DTNA: variants seen among roughly 807,000 people sequenced by gnomAD.
The protein encoded by DTNA is dystrobrevin alpha, also known as dystrophin-related protein 3.
In DTNA, 43 loss-of-function variants were observed where a neutral mutation model predicts 100.7. The ratio of observed to expected loss-of-function variants is 0.43; its 90% CI spans 0.33 to 0.55. The LOEUF is 0.55. DTNA is among the 20% of genes least tolerant of loss of function. The probability of loss-of-function intolerance (pLI) is 0.04; values close to 1 mark genes in which losing one functional copy is unlikely to be tolerated. For missense variants in DTNA, 798 were observed against 953.9 expected (o/e 0.84, Z 2.15); for synonymous variants, 349 against 347.9 (o/e 1.00, Z -0.04).
At chr18:34,849,969 C>T (rs1249495566) in intron 14 of DTNA, among the ~76,000 whole-genome samples, 1 of 152,250 alleles carries the variant, frequency 6.6e-6, no homozygotes, top group Non-Finnish European at 1.5e-5. Context: ...ACTAAATTCT[C>T]CAGTCTTGTT....
intron 1 of DTNA, among the ~76,000 whole-genome samples, chr18:34,507,475 A>G (rs780821637): frequency 3.3e-5 from 5 of 152,326 alleles, no homozygotes; most frequent in East Asian, 1.9e-4. Context: ...TGATTTGTCA[A>G]GTTGTTTGAT....
chr18:34,666,746 A>G (rs904573937), intron 1 of DTNA, among the ~76,000 whole-genome samples: 3 of 151,980 alleles, frequency 2.0e-5, no homozygotes, highest in Non-Finnish European at 4.4e-5. Flanking sequence ...GTGTGGTATT[A>G]TTTCTGAGGC....
intron 1 of DTNA, among the ~76,000 whole-genome samples, chr18:34,530,306 G>A (rs1234100170): frequency 6.6e-6 from 1 of 152,130 alleles, no homozygotes; most frequent in East Asian, 1.9e-4. Context: ...ATCTTTTAAA[G>A]GGTCCTTTTA....
chr18:34,579,805 T>G (rs1192653953), intron 1 of DTNA, among the ~76,000 whole-genome samples: 1 of 152,156 alleles, frequency 6.6e-6, no homozygotes, highest in Non-Finnish European at 1.5e-5. Flanking sequence ...GTTTTTGAAT[T>G]TTCTTGCTTG....
intron 1 of DTNA, among the ~76,000 whole-genome samples, chr18:34,502,973 T>A (rs1046345380): frequency 2.0e-5 from 3 of 152,224 alleles, no homozygotes; most frequent in Non-Finnish European, 4.4e-5. Flanking sequence ...GTTATAATTG[T>A]GAGTTTGTCT....
At chr18:34,547,081 A>G (rs1836308677) in intron 1 of DTNA, among the ~76,000 whole-genome samples, 1 of 152,090 alleles carries the variant, frequency 6.6e-6, no homozygotes, top group Admixed American at 6.6e-5. Flanking sequence ...TAAGTGTAAT[A>G]TAAGTTACCA....
chr18:34,560,172 C>T (rs992670730), intron 1 of DTNA, among the ~76,000 whole-genome samples: 2 of 152,160 alleles, frequency 1.3e-5, no homozygotes, highest in East Asian at 3.9e-4. Flanking sequence ...GGGTTAGATA[C>T]CTTTTTGCAC....
intron 3 of DTNA, among the ~76,000 whole-genome samples, chr18:34,784,034 T>C (rs1296313075): frequency 6.6e-6 from 1 of 152,120 alleles, no homozygotes; most frequent in East Asian, 1.9e-4. Context: ...AACTTTATTG[T>C]CTAACAAAAT....
chr18:34,693,005 A>G (rs1482198429), intron 1 of DTNA, among the ~76,000 whole-genome samples: 1 of 152,192 alleles, frequency 6.6e-6, no homozygotes, highest in Non-Finnish European at 1.5e-5. Context: ...ACATTCTGAA[A>G]TTTTTATAAC....
chr18:34,506,336 G>A (rs1467620497), intron 1 of DTNA, among the ~76,000 whole-genome samples: 2 of 152,106 alleles, frequency 1.3e-5, no homozygotes, highest in Admixed American at 6.5e-5. Context: ...ACAACATAGT[G>A]GGGGTGAGGA....
Position 34,811,157 on chromosome 18 carries a change from G to A in DTNA, c.449-802G>A, listed in dbSNP as rs374137150. Among the ~76,000 whole-genome samples the A allele has an allele frequency of 9.2e-5, 14 of 152,302 alleles. No individual in the cohort carries two copies. In the East Asian group the frequency reaches 1.4e-3, roughly 15 times the overall value. On this transcript the variant is annotated intron_variant, in intron 5 of 22. Transcript: ENST00000444659. ...TAGCAAACCCTTTCATTCTAATAGT[G>A]ATTTGCACAGAGGAATTATAAAACA... is the stretch of plus-strand genomic sequence containing the variant.
At chr18:34,738,190 C>A (rs1325082842) in intron 1 of DTNA, among the ~76,000 whole-genome samples, 4 of 152,082 alleles carry the variant, frequency 2.6e-5, no homozygotes, top group African/African-American at 9.7e-5. Flanking sequence ...ACATACAAAG[C>A]CACTTTAAAG....
At chr18:34,844,490 AT>A (rs963816188) in intron 13 of DTNA, among the ~76,000 whole-genome samples, 4 of 152,068 alleles carry the variant, frequency 2.6e-5, no homozygotes, top group African/African-American at 9.7e-5. Context: ...TTCCCTTAGC[AT>A]TTTGCTCTAA....
At chr18:34,758,495 A>G (rs1415560408) in intron 2 of DTNA, among the ~76,000 whole-genome samples, 1 of 152,216 alleles carries the variant, frequency 6.6e-6, no homozygotes, top group Non-Finnish European at 1.5e-5. Flanking sequence ...AGCACTGGGG[A>G]AAAATACTGG....
Position 34,732,826 on chromosome 18 carries a change from C to T in DTNA, c.-2+22381C>T, listed in dbSNP as rs114778295. On this transcript the variant is annotated intron_variant, in intron 1 of 22. Transcript: ENST00000444659. Reference sequence around the variant, plus strand: ...GTAAGTGAGTCCTATTCAACATTTGCGATATACCTGTTGTTGGGGTTCTGA... The same window carrying T: ...GTAAGTGAGTCCTATTCAACATTTGTGATATACCTGTTGTTGGGGTTCTGA... 3.6e-4 allele frequency among the ~76,000 whole-genome samples: 55 copies of T among 152,168 alleles called. 1 individual carries two copies. In the South Asian group the frequency reaches 9.1e-3, roughly 25 times the overall value.
At chr18:34,861,101 T>C (rs1412280356) in intron 16 of DTNA, among the ~76,000 whole-genome samples, 1 of 152,194 alleles carries the variant, frequency 6.6e-6, no homozygotes, top group African/African-American at 2.4e-5. Flanking sequence ...GATACCATCT[T>C]CAATTCGGGA....
At chr18:34,576,112 G>A (rs757371098) in intron 1 of DTNA, among the ~76,000 whole-genome samples, 16 of 152,118 alleles carry the variant, frequency 1.1e-4, no homozygotes, top group Admixed American at 2.0e-4. Context: ...CCATCTTTTG[G>A]GGAAAATCCT....
At chr18:34,590,797 C>T (rs1057434220) in intron 1 of DTNA, among the ~76,000 whole-genome samples, 11 of 152,192 alleles carry the variant, frequency 7.2e-5, no homozygotes, top group African/African-American at 2.7e-4. Context: ...ACAACATTTA[C>T]TCACGATAAA....
intron 1 of DTNA, among the ~76,000 whole-genome samples, chr18:34,633,844 T>G (rs1406450508): frequency 6.6e-6 from 1 of 152,230 alleles, no homozygotes; most frequent in African/African-American, 2.4e-5. Flanking sequence ...CATACCTTTC[T>G]TAAAACTTCA....
Sources: allele counts gnomAD v4.1 joint callset (sites outside exome capture counted in the v4.1 genomes callset), GRCh38; gene constraint gnomAD v4.1.1; transcripts MANE v1.5; gene names NCBI Gene and HGNC (gene_info 2026-07-23, HGNC 2026-07-21).